The following NCAM2 variants were observed in gnomAD, a reference collection of about 807,000 sequenced individuals.
NCAM2 encodes N-CAM-2.
NCAM2 carries 30 observed loss-of-function variants against 98.1 expected under a neutral mutation model. The observed-to-expected ratio is 0.31, with a 90% CI of 0.23 to 0.41. The LOEUF (loss-of-function observed/expected upper bound fraction) is 0.41, where lower values mean the gene tolerates loss of function less well. Ranked by LOEUF, NCAM2 falls within the 10% of genes least tolerant of loss-of-function variation. The probability of loss-of-function intolerance (pLI) is 1.00; values close to 1 mark genes in which losing one functional copy is unlikely to be tolerated. For synonymous variants in NCAM2, 368 were observed against 342.4 expected (o/e 1.07, Z -0.83); for missense variants, 867 against 1,005.8 (o/e 0.86, Z 1.87).
At chr21:21,006,544 A>G (rs535536785) in intron 1 of NCAM2, among the ~76,000 whole-genome samples, 1 of 152,260 alleles carries the variant, frequency 6.6e-6, no homozygotes, top group African/African-American at 2.4e-5. Context: ...CGATCCATAC[A>G]TGATTTTCTC....
intron 1 of NCAM2, among the ~76,000 whole-genome samples, chr21:21,038,138 TA>T (rs1365297354): frequency 1.7e-3 from 2 of 1,196 alleles, no homozygotes; most frequent in East Asian, 0.5. Flanking sequence ...TTTCTGCTGC[TA>T]CTGTTAACTT....
At chr21:21,270,216 A>G (rs1440425483) in intron 1 of NCAM2, among the ~76,000 whole-genome samples, 3 of 152,184 alleles carry the variant, frequency 2.0e-5, no homozygotes, top group African/African-American at 7.2e-5. Flanking sequence ...GATTGGATGT[A>G]TAATTTGGGA....
At chr21:21,120,113 C>T (rs2826662) in intron 1 of NCAM2, among the ~76,000 whole-genome samples, 87,676 of 151,920 alleles carry the variant, frequency 0.58, 26,261 homozygotes, top group East Asian at 0.82. Context: ...TTCCCAGTTA[C>T]GTTTGTTCCT....
At chr21:21,290,227 G>A (rs1352174768) in intron 4 of NCAM2, 1 of 151,830 alleles carries the variant, frequency 6.6e-6, no homozygotes, top group Admixed American at 6.6e-5. Flanking sequence ...ATCATTATAG[G>A]TGAAGGATGA....
intron 5 of NCAM2, among the ~76,000 whole-genome samples, chr21:21,318,677 A>G (rs1030399524): frequency 1.3e-5 from 2 of 152,202 alleles, no homozygotes; most frequent in Non-Finnish European, 2.9e-5. Flanking sequence ...ATATTCATTT[A>G]CCACTTTACC....
intron 1 of NCAM2, among the ~76,000 whole-genome samples, chr21:21,198,391 T>A (rs1364939556): frequency 6.6e-6 from 1 of 152,122 alleles, no homozygotes; most frequent in Non-Finnish European, 1.5e-5. Flanking sequence ...TTCTTTCAAG[T>A]TGGCCGGAAT....
At chr21:21,148,225 C>G (rs2067344492) in intron 1 of NCAM2, among the ~76,000 whole-genome samples, 1 of 152,104 alleles carries the variant, frequency 6.6e-6, no homozygotes, top group South Asian at 2.1e-4. Flanking sequence ...ATCTGGGCAG[C>G]CTGTGTTCAG....
chr21:21,452,563 T>C (rs1205409604), intron 12 of NCAM2, among the ~76,000 whole-genome samples: 1 of 103,076 alleles, frequency 9.7e-6, no homozygotes, highest in Non-Finnish European at 2.0e-5. Flanking sequence ...ATACTATATA[T>C]AGTATATATA....
intron 2 of NCAM2, 96 bp from the exon 3 acceptor site, chr21:21,284,097 TC>T: frequency 2.5e-6 from 2 of 803,120 alleles, no homozygotes; most frequent in Non-Finnish European, 3.9e-6. Flanking sequence ...TAATTTTTTT[TC>T]TAAATGGTTA....
In NCAM2 at chr21:21,202,431, T is replaced by C. The variant is rs547930213; in HGVS notation, c.56-78147T>C. Among the ~76,000 whole-genome samples, 334 of 146,918 alleles carry C rather than the reference T, an allele frequency of 2.3e-3. 1 individual carries two copies. Among genetic ancestry groups the C allele is most frequent in the African/African-American group, 8.4e-3 (328 of 39,094 alleles). On this transcript the variant is annotated intron_variant, in intron 1 of 17. Coordinates refer to ENST00000400546, the MANE Select transcript of NCAM2 (RefSeq NM_004540.5). Reference sequence around the variant, plus strand: ...TCCTTTTTTTTTTTTTTTTTTTTTTTCTGAGGCGGAGTTTTGCTTTTGTTG... The same window carrying C: ...TCCTTTTTTTTTTTTTTTTTTTTTTCCTGAGGCGGAGTTTTGCTTTTGTTG...
rs1988731125 is a variant in NCAM2 at position 21,516,663 on chromosome 21, A to ATTTTTTTTCCACT, written c.2282+7611_2282+7623dup. On this transcript the variant is annotated intron_variant, in intron 16 of 17. Transcript: ENST00000400546. The stretch of plus-strand genomic sequence containing the variant: ...GAAAATCTAGAAGTCAACCATCTGT[A>ATTTTTTTTCCACT]TTTTTTTTCCACTTTCAACTTCCTC... 1.3e-5 allele frequency among the ~76,000 whole-genome samples: 2 copies of ATTTTTTTTCCACT among 151,472 alleles called. 1 individual carries two copies. Among genetic ancestry groups the ATTTTTTTTCCACT allele is most frequent in the South Asian group, 4.2e-4 (2 of 4,806 alleles).
chr21:21,533,021 A>G (rs1989791662), intron 16 of NCAM2, among the ~76,000 whole-genome samples: 1 of 152,066 alleles, frequency 6.6e-6, no homozygotes, highest in Non-Finnish European at 1.5e-5. Flanking sequence ...TATGTGAGGT[A>G]CCTACATACT....
intron 16 of NCAM2, among the ~76,000 whole-genome samples, chr21:21,524,179 C>A (rs1989189615): frequency 1.3e-5 from 2 of 151,924 alleles, no homozygotes; most frequent in African/African-American, 4.8e-5. Context: ...AACTTCAGAG[C>A]AAGGAAAGTT....
At chr21:21,084,981 G>C (rs1261819796) in intron 1 of NCAM2, among the ~76,000 whole-genome samples, 1 of 152,104 alleles carries the variant, frequency 6.6e-6, no homozygotes, top group Non-Finnish European at 1.5e-5. Context: ...AGGAACTAGA[G>C]AAACCGATGC....
chr21:21,052,214 C>G (rs1484829030), intron 1 of NCAM2, among the ~76,000 whole-genome samples: 2 of 139,842 alleles, frequency 1.4e-5, no homozygotes, highest in Non-Finnish European at 3.0e-5. Flanking sequence ...CTGGAGTACA[C>G]TGGCACTGGC....
chr21:21,182,036 A>T (rs917953567), intron 1 of NCAM2, among the ~76,000 whole-genome samples: 1 of 151,754 alleles, frequency 6.6e-6, no homozygotes, highest in African/African-American at 2.4e-5. Flanking sequence ...TCTAAAAAAA[A>T]AAAAAAAACA....
At chr21:21,312,223 TTTG>T (rs2074077724) in intron 5 of NCAM2, among the ~76,000 whole-genome samples, 1 of 152,006 alleles carries the variant, frequency 6.6e-6, no homozygotes, top group Non-Finnish European at 1.5e-5. Flanking sequence ...GATGAGGAAT[TTTG>T]TTGTTTTTTT....
intron 1 of NCAM2, among the ~76,000 whole-genome samples, chr21:21,254,188 C>A (rs2071578045): frequency 6.6e-6 from 1 of 152,166 alleles, no homozygotes; most frequent in Non-Finnish European, 1.5e-5. Context: ...CCGCACTTAG[C>A]ACATTTAGCG....
At chr21:21,127,314 T>G (rs2066846889) in intron 1 of NCAM2, among the ~76,000 whole-genome samples, 1 of 151,906 alleles carries the variant, frequency 6.6e-6, no homozygotes, top group Admixed American at 6.6e-5. Context: ...GTCAATAAAT[T>G]TATTTATTTT....
Sources: allele counts gnomAD v4.1 joint callset (sites outside exome capture counted in the v4.1 genomes callset), GRCh38; gene constraint gnomAD v4.1.1; transcripts MANE v1.5; gene names NCBI Gene and HGNC (gene_info 2026-07-23, HGNC 2026-07-21).